The following NBEA variants were observed in gnomAD, a reference collection of about 807,000 sequenced individuals.
NBEA encodes the protein neurobeachin.
Under a neutral mutation model 343.4 loss-of-function variants are expected in NBEA, and 44 were observed. The ratio of observed to expected loss-of-function variants is 0.13; its 90% CI spans 0.10 to 0.16. The LOEUF (loss-of-function observed/expected upper bound fraction) is 0.16. Among genes scored for constraint, NBEA ranks in the 10% least tolerant of loss-of-function variants. The pLI is 1.00. For missense variants in NBEA, 2,555 were observed against 3,631.3 expected (o/e 0.70, Z 7.62); for synonymous variants, 1,175 against 1,238.7 (o/e 0.95, Z 1.08).
intron 1 of NBEA, among the ~76,000 whole-genome samples, chr13:35,010,739 A>ATATATAT (rs1221896150): frequency 2.0e-4 from 7 of 34,152 alleles, no homozygotes; most frequent in Admixed American, 8.7e-4. Context: ...AAAAAAAAAA[A>ATATATAT]AAATATATAT....
intron 12 of NBEA, 25 bp from the exon 13 acceptor site, chr13:35,110,785 A>G (rs1378191220): frequency 3.8e-6 from 6 of 1,571,698 alleles, no homozygotes; most frequent in Non-Finnish European, 3.5e-6. Flanking sequence ...ATTCATTTTA[A>G]TGATCTGTTA....
intron 34 of NBEA, among the ~76,000 whole-genome samples, chr13:35,271,261 G>A (rs1022466628): frequency 6.6e-6 from 1 of 152,174 alleles, no homozygotes; most frequent in African/African-American, 2.4e-5. Context: ...TGCAGCTGAG[G>A]GACCTGACTG....
intron 49 of NBEA, among the ~76,000 whole-genome samples, chr13:35,630,942 T>TC (rs1334944088): frequency 1.2e-4 from 19 of 152,238 alleles, no homozygotes; most frequent in African/African-American, 4.3e-4. Flanking sequence ...CTTTCCCACT[T>TC]CCCACCATTC....
chr13:35,410,548 G>C (rs2043522182), intron 38 of NBEA, among the ~76,000 whole-genome samples: 1 of 152,006 alleles, frequency 6.6e-6, no homozygotes. Context: ...AAGGTTCACA[G>C]AAAAATGGAA....
At chr13:35,013,731 A>G (rs192378538) in intron 1 of NBEA, among the ~76,000 whole-genome samples, 1 of 152,248 alleles carries the variant, frequency 6.6e-6, no homozygotes, top group Admixed American at 6.5e-5. Context: ...GCCCTCCCAA[A>G]GTGCTGGGAT....
intron 34 of NBEA, among the ~76,000 whole-genome samples, chr13:35,258,170 A>T (rs796635046): frequency 5.3e-4 from 72 of 134,626 alleles, no homozygotes; most frequent in African/African-American, 1.4e-3. Flanking sequence ...AGTCTTTGTC[A>T]TTTTTTTTTT....
chr13:35,324,350 C>T (rs1013223563), intron 36 of NBEA, among the ~76,000 whole-genome samples: 1 of 152,152 alleles, frequency 6.6e-6, no homozygotes, highest in Non-Finnish European at 1.5e-5. Flanking sequence ...AAAATAAGAA[C>T]ACGTAACTGA....
chr13:35,041,307 A>G (rs528528019), intron 2 of NBEA, 143 bp downstream of exon 2: 2 of 721,694 alleles, frequency 2.8e-6, no homozygotes, highest in Admixed American at 2.9e-5. Context: ...TTTACTTTTT[A>G]TATTAATGGA....
chr13:34,942,672 A>T lies in NBEA; in HGVS notation c.-149A>T. 2 of 456,750 alleles carry T rather than the reference A, an allele frequency of 4.4e-6. No homozygotes were observed. The highest frequency in any genetic ancestry group is 6.8e-6 in the Non-Finnish European group (2 of 292,012). 28.3% of individuals were successfully genotyped at this position (456,750 alleles called of 1,614,324 possible). ...GAGAGCGCCGGAGCGGGCCGGGCTG[A>T]GGCGCAGGCGGGGAGCGGGCCCGGC... On this transcript the variant is annotated 5_prime_UTR_variant, in exon 1 of 59. Transcript: ENST00000379939.
At chr13:35,460,348 C>T (rs2046831658) in intron 40 of NBEA, among the ~76,000 whole-genome samples, 1 of 152,098 alleles carries the variant, frequency 6.6e-6, no homozygotes, top group South Asian at 2.1e-4. Context: ...AGTTGCTTTG[C>T]CAGTCATAAA....
chr13:35,139,021 T>TTTTCATATATAC (rs1303036429), intron 17 of NBEA, among the ~76,000 whole-genome samples: 1 of 151,754 alleles, frequency 6.6e-6, no homozygotes, highest in African/African-American at 2.4e-5. Flanking sequence ...TTCTTTACTG[T>TTTTCATATATAC]TTTCATATAT....
chr13:35,434,809 C>T (rs1281360955), intron 39 of NBEA, among the ~76,000 whole-genome samples: 3 of 152,096 alleles, frequency 2.0e-5, no homozygotes, highest in Admixed American at 6.5e-5. Context: ...TTAATGTGCA[C>T]TCTAACCTAT....
chr13:34,998,958 G>A (rs746057178), intron 1 of NBEA, among the ~76,000 whole-genome samples: 13 of 152,040 alleles, frequency 8.6e-5, no homozygotes, highest in African/African-American at 2.2e-4. Context: ...AAAGACAGGC[G>A]TAAGAAATTA....
intron 1 of NBEA, among the ~76,000 whole-genome samples, chr13:34,980,430 C>T (rs963361153): frequency 1.4e-5 from 2 of 143,996 alleles, no homozygotes; most frequent in African/African-American, 2.6e-5. Flanking sequence ...TTTTTTATTA[C>T]ATTTTATTAC....
At chr13:35,003,281 G>T (rs1364220801) in intron 1 of NBEA, among the ~76,000 whole-genome samples, 1 of 152,082 alleles carries the variant, frequency 6.6e-6, no homozygotes, top group African/African-American at 2.4e-5. Context: ...CTTCAGGGGG[G>T]CTGAGGTAAG....
intron 49 of NBEA, among the ~76,000 whole-genome samples, chr13:35,630,134 A>G (rs2083390149): frequency 6.6e-6 from 1 of 152,212 alleles, no homozygotes; most frequent in Admixed American, 6.5e-5. Context: ...AGGCAGCATT[A>G]AAATTGACAG....
intron 41 of NBEA, among the ~76,000 whole-genome samples, chr13:35,487,126 T>C (rs1349360641): frequency 6.6e-6 from 1 of 151,952 alleles, no homozygotes; most frequent in African/African-American, 2.4e-5. Flanking sequence ...TGATCATGAA[T>C]TTAAGTGCAG....
chr13:35,574,912 G>T (rs146377996), intron 45 of NBEA, among the ~76,000 whole-genome samples: 12 of 152,152 alleles, frequency 7.9e-5, no homozygotes, highest in African/African-American at 2.9e-4. Context: ...ACCACGCCTG[G>T]CTAATTTTTG....
At chr13:35,445,083 C>A (rs923792625) in intron 39 of NBEA, among the ~76,000 whole-genome samples, 1 of 152,060 alleles carries the variant, frequency 6.6e-6, no homozygotes, top group African/African-American at 2.4e-5. Context: ...GTAACTCCAA[C>A]TGAAGGAAAG....
Sources: allele counts gnomAD v4.1 joint callset (sites outside exome capture counted in the v4.1 genomes callset), GRCh38; gene constraint gnomAD v4.1.1; transcripts MANE v1.5; gene names NCBI Gene and HGNC (gene_info 2026-07-23, HGNC 2026-07-21).